The following CUL2 variants were observed in gnomAD, a reference collection of about 807,000 sequenced individuals.
CUL2 encodes cullin 2, also known as cullin-2.
CUL2 carries 22 observed loss-of-function variants against 110.2 expected under a neutral mutation model. That is an observed-to-expected ratio of 0.20 (90% CI 0.14 to 0.28). CUL2 has a LOEUF of 0.28. CUL2 is among the 10% of genes least tolerant of loss of function. The pLI is 1.00. For missense variants in CUL2, 631 were observed against 905.5 expected (o/e 0.70, Z 3.89); for synonymous variants, 279 against 293.2 (o/e 0.95, Z 0.49).
In CUL2 at chr10:35,100,016, G is replaced by A. The variant is rs1228625329; in HGVS notation, c.167+828C>T. 2.6e-5 allele frequency among the ~76,000 whole-genome samples: 4 copies of A among 151,960 alleles called. No individual in the cohort carries two copies. The East Asian group carries it at 5.8e-4, about 22-fold the overall frequency. On this transcript the variant is annotated intron_variant, in intron 2 of 5. Transcript: ENST00000685421. ...AGACAGAGTCTTGCTATGTTGCCCAGGCTGGTCTGAAACTCCTGGTCTCAA... is the reference window on the plus strand; with the variant it reads ...AGACAGAGTCTTGCTATGTTGCCCAAGCTGGTCTGAAACTCCTGGTCTCAA...
chr10:35,114,141 C>A (rs1417073370), intron 1 of CUL2, among the ~76,000 whole-genome samples: 1 of 151,234 alleles, frequency 6.6e-6, no homozygotes, highest in Non-Finnish European at 1.5e-5. Context: ...CCAGGATGGT[C>A]TCGATCTCCT....
At chr10:35,056,106 G>T (rs895795321) in intron 4 of CUL2, among the ~76,000 whole-genome samples, 1 of 152,056 alleles carries the variant, frequency 6.6e-6, no homozygotes, top group African/African-American at 2.4e-5. Flanking sequence ...GCTTTTATTG[G>T]TTTCTTTTTT....
At chr10:35,065,120 C>A (rs771443939) in intron 2 of CUL2, among the ~76,000 whole-genome samples, 25 of 152,128 alleles carry the variant, frequency 1.6e-4, no homozygotes, top group Non-Finnish European at 3.1e-4. Flanking sequence ...TGTTCTTTTT[C>A]TCTAACCTAT....
chr10:35,030,986 T>C (rs886787483), intron 14 of CUL2, among the ~76,000 whole-genome samples: 1 of 152,246 alleles, frequency 6.6e-6, no homozygotes, highest in African/African-American at 2.4e-5. Flanking sequence ...GTAAGCAAGC[T>C]GAAATGATGT....
At chr10:35,084,599 A>G (rs1200373894) in intron 1 of CUL2, among the ~76,000 whole-genome samples, 1 of 152,242 alleles carries the variant, frequency 6.6e-6, no homozygotes, top group Non-Finnish European at 1.5e-5. Flanking sequence ...ATACGTTACC[A>G]GTAAGATTCA....
intron 6 of CUL2, among the ~76,000 whole-genome samples, chr10:35,046,192 G>T (rs1325898066): frequency 6.6e-6 from 1 of 152,184 alleles, no homozygotes; most frequent in Non-Finnish European, 1.5e-5. Flanking sequence ...TGATATCACT[G>T]ACTAGTTCAT....
chr10:35,054,541 TG>T lies in CUL2; in HGVS notation c.318-3del. ...TTAATAAACTGGGTGTTGAGATACC[TG>T]GAAAATAAATGTAATATCAATGGAT... On this transcript the variant is annotated splice_polypyrimidine_tract_variant and splice_region_variant and intron_variant, in intron 4 of 20. Transcript: ENST00000374749. The T allele has an allele frequency of 1.3e-6, 2 of 1,521,872 alleles. No homozygotes were observed. Among genetic ancestry groups the T allele is most frequent in the South Asian group, 2.4e-5 (2 of 83,744 alleles). 94.3% of individuals were successfully genotyped at this position (1,521,872 alleles called of 1,614,324 possible).
chr10:35,027,190 G>T (rs1050378191), intron 16 of CUL2, among the ~76,000 whole-genome samples: 42 of 148,520 alleles, frequency 2.8e-4, no homozygotes, highest in Non-Finnish European at 8.9e-5. Context: ...TATCACCCAG[G>T]CTAAAGTGCA....
At chr10:35,054,346 C>A in intron 5 of CUL2, 88 bp downstream of exon 5, 1 of 712,918 alleles carries the variant, frequency 1.4e-6, no homozygotes, top group South Asian at 1.8e-5. Flanking sequence ...CTAGCCAAAT[C>A]AGTGTCCTTA....
intron 1 of CUL2, among the ~76,000 whole-genome samples, chr10:35,111,786 A>T (rs900502102): frequency 2.0e-5 from 3 of 152,126 alleles, no homozygotes; most frequent in African/African-American, 7.2e-5. Context: ...GCTACCAGGG[A>T]GGCTGAGGCA....
At chr10:35,074,802 G>T (rs971171766) in intron 1 of CUL2, among the ~76,000 whole-genome samples, 1 of 152,152 alleles carries the variant, frequency 6.6e-6, no homozygotes, top group Admixed American at 6.5e-5. Context: ...CTGCTTTTAA[G>T]AAACTTTCTT....
chr10:35,113,025 C>T (rs546009714), intron 1 of CUL2, among the ~76,000 whole-genome samples: 1 of 151,456 alleles, frequency 6.6e-6, no homozygotes, highest in South Asian at 2.1e-4. Context: ...AACCCAGTCT[C>T]TACTAAAAAT....
Position 35,031,722 on chromosome 10 carries a change from T to A in CUL2, c.1171-103A>T. ...TACAAGGTAAGATCAGCGGACAGAA[T>A]TTTTGCTGTTTTTTTTAGAGACCGG... On this transcript the variant is annotated intron_variant, in intron 12 of 20. Transcript: ENST00000374749. The surrounding 1 kb of genome is among the most constrained non-coding windows in gnomAD (Gnocchi z 4.4). 1 of 1,283,360 alleles carries A rather than the reference T, an allele frequency of 7.8e-7. No individual in the cohort carries two copies. The highest frequency in any genetic ancestry group is 1.1e-6 in the Non-Finnish European group (1 of 920,696). 79.5% of individuals were successfully genotyped at this position (1,283,360 alleles called of 1,614,324 possible).
chr10:35,081,187 C>T (rs1385954921), intron 1 of CUL2, among the ~76,000 whole-genome samples: 2 of 152,138 alleles, frequency 1.3e-5, no homozygotes, highest in South Asian at 4.1e-4. Flanking sequence ...AATGGCACCA[C>T]CACACTCCAG....
chr10:35,040,354 C>T (rs2085751198), intron 8 of CUL2, among the ~76,000 whole-genome samples: 1 of 152,070 alleles, frequency 6.6e-6, no homozygotes. Context: ...CAAGACAAAA[C>T]AACAACATAT....
chr10:35,033,526 GGAGATC>G (rs1007844127), intron 10 of CUL2, among the ~76,000 whole-genome samples: 1 of 151,988 alleles, frequency 6.6e-6, no homozygotes, highest in African/African-American at 2.4e-5. Context: ...CATGAGGTCA[GGAGATC>G]GAGACCATCC....
At chr10:35,121,144 A>G (rs1411706334) in intron 1 of CUL2, among the ~76,000 whole-genome samples, 1 of 152,232 alleles carries the variant, frequency 6.6e-6, no homozygotes, top group Non-Finnish European at 1.5e-5. Flanking sequence ...CTAGCAGGCA[A>G]TTCAGGAGCT....
intron 3 of CUL2, among the ~76,000 whole-genome samples, chr10:35,061,189 C>T (rs567722873): frequency 6.6e-6 from 1 of 152,134 alleles, no homozygotes; most frequent in East Asian, 1.9e-4. Flanking sequence ...AGAGAATAAA[C>T]TGAGCCGAGC....
At position 35,107,903 on chromosome 10, in the gene CUL2, A is replaced by G. The variant is rs901765319; in HGVS notation, c.-50-6843T>C. Among the ~76,000 whole-genome samples, 25 of 150,860 alleles carry G rather than the reference A, an allele frequency of 1.7e-4. No individual in the cohort carries two copies. The East Asian group carries it at 4.3e-3, about 26-fold the overall frequency. ...TCTCAAAAAAAAAAAAAAAAAAAAAAAAAAAAAGTAGAAGACCTGGTTCCT... is the reference window on the plus strand; with the variant it reads ...TCTCAAAAAAAAAAAAAAAAAAAAAGAAAAAAAGTAGAAGACCTGGTTCCT... On this transcript the variant is annotated intron_variant, in intron 1 of 5. Coordinates refer to the CUL2 transcript ENST00000685421.
Sources: gnomAD v4.1 joint callset for allele counts (sites outside exome capture counted in the v4.1 genomes callset) on GRCh38, gnomAD v4.1.1 for gene constraint, Gnocchi (gnomAD v3.1) non-coding constraint, MANE v1.5 for transcripts, NCBI Gene and HGNC (gene_info 2026-07-23, HGNC 2026-07-21) for gene names.